ODF2: variants seen among roughly 807,000 people sequenced by gnomAD.
ODF2 encodes the protein outer dense fiber protein 2.
A neutral mutation model predicts 110.2 loss-of-function variants in ODF2; 47 were observed. That is an observed-to-expected ratio of 0.43 (90% CI 0.34 to 0.54). ODF2 has a LOEUF of 0.54. Ranked by LOEUF, ODF2 falls within the 20% of genes least tolerant of loss-of-function variation. The probability of loss-of-function intolerance (pLI) is 0.03; values close to 1 mark genes in which losing one functional copy is unlikely to be tolerated. For missense variants in ODF2, 812 were observed against 1,054.5 expected (o/e 0.77, Z 3.19); for synonymous variants, 352 against 397.7 (o/e 0.89, Z 1.37).
exon 8 of ODF2, chr9:128,473,697 A>T: frequency 6.2e-7 from 1 of 1,613,780 alleles, no homozygotes; most frequent in Non-Finnish European, 8.5e-7. Context: ...TGAGGAGACC[A>T]ACCGCACCCT....
intron 20 of ODF2, among the ~76,000 whole-genome samples, chr9:128,499,754 C>T (rs1232983780): frequency 6.6e-6 from 1 of 152,072 alleles, no homozygotes; most frequent in Admixed American, 6.5e-5. Context: ...GGACTACAGG[C>T]GCACACCATC....
intron 2 of ODF2, among the ~76,000 whole-genome samples, chr9:128,458,306 T>C (rs1321637875): frequency 6.6e-6 from 1 of 152,028 alleles, no homozygotes. Flanking sequence ...CATAAAAAAT[T>C]AGCTGGGCAT....
upstream of ODF2, chr9:128,456,074 G>C (rs553711628): frequency 4.5e-5 from 69 of 1,524,002 alleles, no homozygotes; most frequent in East Asian, 1.2e-3. Flanking sequence ...CGGCTCCCGG[G>C]GGGGTTTGAA....
chr9:128,461,286 C>T, intron 4 of ODF2: 1 of 561,198 alleles, frequency 1.8e-6, no homozygotes. Flanking sequence ...GATGAGGAAC[C>T]AGACCTCAGA....
upstream of ODF2, among the ~76,000 whole-genome samples, chr9:128,455,488 A>C (rs1329808272): frequency 3.0e-5 from 4 of 131,466 alleles, no homozygotes; most frequent in African/African-American, 5.7e-5. Flanking sequence ...CGGGAGGCGG[A>C]GGTTGCGGTG....
intron 6 of ODF2, 29 bp from the exon 7 acceptor site, chr9:128,472,884 G>C: frequency 6.2e-7 from 1 of 1,613,050 alleles, no homozygotes. Context: ...GGCCTGGGAG[G>C]GCTCACAGAG....
chr9:128,456,950 G>A, intron 1 of ODF2: 2 of 1,237,772 alleles, frequency 1.6e-6, no homozygotes, highest in Non-Finnish European at 2.0e-6. Context: ...GTCCGGCCCC[G>A]CCCCAGCATC....
chr9:128,474,648 G>A (rs1840845900), intron 8 of ODF2, among the ~76,000 whole-genome samples: 1 of 147,622 alleles, frequency 6.8e-6, no homozygotes, highest in African/African-American at 2.5e-5. Context: ...GCGACAGAGC[G>A]AGACTCCATC....
chr9:128,462,459 A>C (rs1352966307), intron 4 of ODF2, among the ~76,000 whole-genome samples: 1 of 151,702 alleles, frequency 6.6e-6, no homozygotes, highest in Non-Finnish European at 1.5e-5. Flanking sequence ...CGAATCTTTT[A>C]AAACGTTTTT....
chr9:128,469,617 G>A (rs1826461416), intron 5 of ODF2: 1 of 493,508 alleles, frequency 2.0e-6, no homozygotes, highest in Admixed American at 3.7e-5. Flanking sequence ...ACAACAGCAT[G>A]TGAAGCCAGT....
intron 8 of ODF2, among the ~76,000 whole-genome samples, chr9:128,475,167 T>C (rs1227124952): frequency 1.3e-5 from 2 of 152,150 alleles, no homozygotes; most frequent in African/African-American, 2.4e-5. Flanking sequence ...ATTTACCTTG[T>C]ATGAGGTATT....
chr9:128,466,073 A>T (rs1332294942), intron 4 of ODF2, among the ~76,000 whole-genome samples: 2 of 150,796 alleles, frequency 1.3e-5, no homozygotes, highest in African/African-American at 4.9e-5. Context: ...CATGAGGCGG[A>T]GGTTGCAGGG....
At chr9:128,457,210 G>A in exon 2 of ODF2, 1 of 1,562,954 alleles carries the variant, frequency 6.4e-7, no homozygotes, top group Non-Finnish European at 8.6e-7. Context: ...CAGTTGCTGT[G>A]CGACTTGGAC....
At chr9:128,500,486 C>T (rs537031787), downstream of ODF2, 19 of 512,112 alleles carry the variant, frequency 3.7e-5, no homozygotes, top group African/African-American at 3.0e-4. Flanking sequence ...AAAATTTCCT[C>T]GACAGGCCTT....
chr9:128,460,435 C>G (rs1836131308), intron 3 of ODF2, 115 bp from the exon 3 acceptor site: 1 of 1,514,924 alleles, frequency 6.6e-7, no homozygotes, highest in Non-Finnish European at 8.9e-7. Context: ...AGCTGTCCTG[C>G]TCGCTTGGTG....
intron 10 of ODF2, among the ~76,000 whole-genome samples, chr9:128,483,137 G>C (rs1374874633): frequency 2.0e-5 from 3 of 152,048 alleles, no homozygotes; most frequent in African/African-American, 7.2e-5. Context: ...CTCGTGATCT[G>C]CCTGCCTCGG....
intron 16 of ODF2, 66 bp downstream of exon 16, chr9:128,492,871 C>T: frequency 7.3e-6 from 10 of 1,371,978 alleles, no homozygotes; most frequent in African/African-American, 1.4e-5. Flanking sequence ...GACTGTGAGT[C>T]TGTTCCCCTT....
upstream of ODF2, chr9:128,455,191 G>C (rs781662247): frequency 6.5e-7 from 1 of 1,535,464 alleles, no homozygotes. Context: ...AAGCATAATT[G>C]AGAAGATGGC....
At chr9:128,460,883 A>G in intron 3 of ODF2, 59 bp from the exon 4 acceptor site, 2 of 1,610,252 alleles carry the variant, frequency 1.2e-6, no homozygotes, top group South Asian at 1.1e-5. Context: ...GGATGTCACT[A>G]GCGTGGCACC....
Sources: gnomAD v4.1 joint callset for allele counts (sites outside exome capture counted in the v4.1 genomes callset) on GRCh38, gnomAD v4.1.1 for gene constraint, MANE v1.5 for transcripts, NCBI Gene and HGNC (gene_info 2026-07-23, HGNC 2026-07-21) for gene names.